Variants in GPX5 observed in about 807,000 individuals in gnomAD.
GPX5 encodes the protein glutathione peroxidase 5.
GPX5 carries 20 observed loss-of-function variants against 23.8 expected under a neutral mutation model. The observed-to-expected ratio is 0.84, with a 90% confidence interval of 0.59 to 1.22. GPX5 has a LOEUF of 1.22. Among genes scored for constraint, GPX5 ranks in the 50% most tolerant of loss-of-function variants. The pLI is 0.00. For missense variants in GPX5, 230 were observed against 266.6 expected, an observed-to-expected ratio of 0.86 and a Z score of 0.96; for synonymous variants, 92 against 99.5, an observed-to-expected ratio of 0.92 and a Z score of 0.45.
rs1000433964 is a variant in GPX5, at chr6:28,529,605, G to A, written c.241+1G>A. 1.3e-6 allele frequency: 2 copies of A among 1,595,166 alleles called. No individual in the cohort carries two copies. Among genetic ancestry groups the A allele is most frequent in the African/African-American group, 1.3e-5 (1 of 74,358 alleles). ...TGTGGTCTGACAGCGCAATATCCTG[G>A]TAAGAGAATTCATAGTTACTTCTCT... On this transcript the variant is annotated splice_donor_variant, in intron 2 of 4. Transcript: ENST00000412168. LOFTEE classifies it high-confidence loss of function.
At position 28,529,469 on chromosome 6, in the gene GPX5, G is replaced by A. The variant is rs773612149; in HGVS notation, c.106G>A (p.Glu36Lys). The change falls in exon 2 of 5, where the codon GAG (glutamate) becomes AAG (lysine). Residue 36 changes from glutamate (E) to lysine (K), a missense_variant. Transcript: ENST00000412168. ...CTTCCAGATGGATTGCCACAAAGAC[G>A]AGAAAGGCACCATCTATGACTATGA... ...EKMKMDCHKDEKGTIYDYEAI... is the reference protein window; with the variant it reads ...EKMKMDCHKDKKGTIYDYEAI... 2.5e-6 allele frequency: 4 copies of A among 1,607,624 alleles called. No homozygotes were observed. Among genetic ancestry groups the A allele is most frequent in the Admixed American group, 1.7e-5 (1 of 59,146 alleles).
chr6:28,531,319 C>T (rs193168544), intron 2 of GPX5, among the ~76,000 whole-genome samples: 151 of 136,734 alleles, frequency 1.1e-3, no homozygotes, highest in African/African-American at 4.1e-3. Flanking sequence ...TGCAGTGAGC[C>T]GAGATCGCGC....
chr6:28,526,051 T>C lies in GPX5; in HGVS notation c.38T>C (p.Leu13Pro), dbSNP rs1247709488. 6.2e-7 allele frequency: 1 copy of C among 1,612,992 alleles called. No individual in the cohort carries two copies. Among genetic ancestry groups the C allele is most frequent in the African/African-American group, 1.3e-5 (1 of 74,886 alleles). Reference protein sequence around the residue: ...TQLRVVHLLPLLLACFVQTSP... With the variant: ...TQLRVVHLLPPLLACFVQTSP... ...TTAAGGGTCGTCCATCTGCTTCCCC[T>C]TCTCCTAGCCTGCTTTGTGCAAACA... Residue 13 changes from leucine (L) to proline (P), a missense_variant, in exon 1 of 5, where the codon CTT becomes CCT. Physicochemically the swap from Leu to Pro is moderately conservative, Grantham distance 98 (BLOSUM62 -3). Coordinates refer to ENST00000412168, the MANE Select transcript of GPX5 (RefSeq NM_001509.3).
At chr6:28,528,254 G>C (rs1763244035) in intron 1 of GPX5, 1 of 152,080 alleles carries the variant, frequency 6.6e-6, no homozygotes, top group African/African-American at 2.4e-5. Context: ...ATTCAAGGTG[G>C]GGATAATATT....
At chr6:28,532,190 C>T (rs1763338127) in intron 3 of GPX5, 131 bp from the exon 4 acceptor site, 4 of 656,272 alleles carry the variant, frequency 6.1e-6, no homozygotes, top group Non-Finnish European at 1.1e-5. Context: ...CAAAACATGG[C>T]CATATTCCTC....
chr6:28,531,188 GCGAAACC>G (rs1284474719), intron 2 of GPX5, among the ~76,000 whole-genome samples: 8 of 151,438 alleles, frequency 5.3e-5, no homozygotes, highest in Non-Finnish European at 1.0e-4. Context: ...GGCTAACATG[GCGAAACC>G]CCGTCTCTAC....
chr6:28,527,116 G>C (rs1401320900), intron 1 of GPX5: 1 of 152,170 alleles, frequency 6.6e-6, no homozygotes, highest in Non-Finnish European at 1.5e-5. Context: ...ACGTTATATG[G>C]ACTTCAATAA....
Position 28,532,410 on chromosome 6 carries a change from G to C in GPX5, c.449G>C (p.Ser150Thr), listed in dbSNP as rs747209170. 1 of 1,580,172 alleles carries C rather than the reference G, an allele frequency of 6.3e-7. No homozygotes were observed. The highest frequency in any genetic ancestry group is 1.8e-5 in the Admixed American group (1 of 54,176). Residue 150 changes from serine to threonine, a missense_variant, in exon 4 of 5, where the codon AGT becomes ACT. Ser to Thr is a moderately conservative substitution (Grantham distance 58). Transcript: ENST00000412168. ...VNGEKEQKVF[S>T]FLKHSCPHPS... ...GGTGAAAAAGAACAGAAAGTCTTCA[G>C]TTTCTTGAAGGTGAGTAAATTCCTG...
chr6:28,525,996 A>C lies in GPX5; in HGVS notation c.-18A>C. The C allele has an allele frequency of 6.3e-7, 1 of 1,582,284 alleles. No individual in the cohort carries two copies. The highest frequency in any genetic ancestry group is 8.7e-7 in the Non-Finnish European group (1 of 1,152,396). On this transcript the variant is annotated 5_prime_UTR_variant, in exon 1 of 5. Coordinates refer to ENST00000412168, the MANE Select transcript of GPX5 (RefSeq NM_001509.3). ...AAAGACCTCAGGCCCCCAGACTAGCAATCTACAAACACTAGTCATGACTAC... is the reference window on the plus strand; with the variant it reads ...AAAGACCTCAGGCCCCCAGACTAGCCATCTACAAACACTAGTCATGACTAC...
Position 28,531,389 on chromosome 6 carries a change from A to AAAAAGAAAAG in GPX5, c.242-358_242-349dup, listed in dbSNP as rs1207321045. On this transcript the variant is annotated intron_variant, in intron 2 of 4. Coordinates refer to ENST00000412168, the MANE Select transcript of GPX5 (RefSeq NM_001509.3). ...CTGTCTCAAAAAAAAAAAAAAAAAA[A>AAAAAGAAAAG]AAAAGAAAAGAAAAGAAAAGAAAAG... Among the ~76,000 whole-genome samples the AAAAAGAAAAG allele has an allele frequency of 1.5e-3, 104 of 69,560 alleles. 1 individual carries two copies. The highest frequency in any genetic ancestry group is 0.014 in the South Asian group (27 of 1,938). The allele number at this position is 69,560 out of a possible 152,430, so 45.6% of individuals were successfully genotyped here.
rs375602483 is a variant in GPX5 at position 28,531,900 on chromosome 6, G to A, written c.359+5G>A. ...AGAGATTCTTCCTGGGCTCAAGTAC[G>A]TGTCTTCTTGAAATCCAATAGGAGG... On this transcript the variant is annotated splice_donor_5th_base_variant and intron_variant, in intron 3 of 4. Coordinates refer to ENST00000412168, the MANE Select transcript of GPX5 (RefSeq NM_001509.3). 10 of 1,591,370 alleles carry A rather than the reference G, an allele frequency of 6.3e-6. No individual in the cohort carries two copies. The highest frequency in any genetic ancestry group is 8.6e-6 in the Non-Finnish European group (10 of 1,159,622).
chr6:28,533,179 C>A (rs1441822210), intron 4 of GPX5, among the ~76,000 whole-genome samples: 1 of 149,538 alleles, frequency 6.7e-6, no homozygotes, highest in African/African-American at 2.4e-5. Context: ...GTAGTAGGTA[C>A]CTTTTATGAA....
At chr6:28,529,823 G>T (rs754183737) in intron 2 of GPX5, among the ~76,000 whole-genome samples, 1 of 152,112 alleles carries the variant, frequency 6.6e-6, no homozygotes, top group African/African-American at 2.4e-5. Context: ...GAATGCAGCC[G>T]TCCCCGTTCA....
At chr6:28,529,627 C>G (rs1188116390) in intron 2 of GPX5, 23 bp downstream of exon 2, 1 of 1,548,296 alleles carries the variant, frequency 6.5e-7, no homozygotes. Flanking sequence ...ATAGTTACTT[C>G]TCTTTGGGAC....
intron 4 of GPX5, 38 bp downstream of exon 4, chr6:28,532,458 T>C (rs769189): frequency 0.12 from 151,994 of 1,258,342 alleles, 13,023 homozygotes; most frequent in East Asian, 0.4. Flanking sequence ...TCCTCTTTTC[T>C]AATATTGCTA....
At chr6:28,527,008 G>C (rs1227769490) in intron 1 of GPX5, 2 of 152,244 alleles carry the variant, frequency 1.3e-5, no homozygotes. Context: ...TTTGAGAATT[G>C]ATATGGTTTT....
Position 28,534,260 on chromosome 6 carries a change from C to A in GPX5, c.*93C>A. ...AAAAAAAGGAATACCCATCTTCTCA[C>A]CACACTCTCTTCCTGCATGGGCTCC... is the stretch of plus-strand genomic sequence containing the variant. On this transcript the variant is annotated 3_prime_UTR_variant, in exon 5 of 5. Transcript: ENST00000412168. 1.2e-6 allele frequency: 1 copy of A among 836,378 alleles called. No individual in the cohort carries two copies. The highest frequency in any genetic ancestry group is 1.8e-6 in the Non-Finnish European group (1 of 553,014). 51.8% of individuals were successfully genotyped at this position (836,378 alleles called of 1,614,324 possible). A position where few individuals can be genotyped will look rare whatever the true frequency, so the allele number is the denominator to read the frequency against.
rs1581857859 is a variant in GPX5, at chr6:28,534,388, G to A, written c.*221G>A. The A allele has an allele frequency of 2.4e-6, 1 of 422,218 alleles. No homozygotes were observed. The highest frequency in any genetic ancestry group is 2.0e-5 in the African/African-American group (1 of 49,242). 26.2% of individuals were successfully genotyped at this position (422,218 alleles called of 1,614,324 possible). A position where few individuals can be genotyped will look rare whatever the true frequency, so the allele number is the denominator to read the frequency against. On this transcript the variant is annotated 3_prime_UTR_variant, in exon 5 of 5. Transcript: ENST00000412168. ...TCTTTTGCCTCTCAAGAGTATGTGG[G>A]TGAAGACTGAAACAAATGGAAACCT...
intron 4 of GPX5, 86 bp from the exon 5 acceptor site, chr6:28,533,875 G>A: frequency 7.7e-6 from 6 of 775,386 alleles, no homozygotes; most frequent in Non-Finnish European, 1.2e-5. Flanking sequence ...GGTATAGGAG[G>A]GGGTGGATTA....
Sources: allele counts gnomAD v4.1 joint callset (sites outside exome capture counted in the v4.1 genomes callset), GRCh38; gene constraint gnomAD v4.1.1; transcripts MANE v1.5; gene names NCBI Gene and HGNC (gene_info 2026-07-23, HGNC 2026-07-21).